Variants in RNLS observed in about 807,000 individuals in gnomAD.
RNLS encodes the protein renalase, FAD dependent amine oxidase.
Under a neutral mutation model 39.8 loss-of-function variants are expected in RNLS, and 39 were observed. The observed-to-expected ratio is 0.98, with a 90% CI of 0.76 to 1.28. The LOEUF is 1.28. RNLS is among the 50% of genes most tolerant of loss of function. The probability of loss-of-function intolerance (pLI) is 0.00; values close to 1 mark genes in which losing one functional copy is unlikely to be tolerated. For missense variants in RNLS, 410 were observed against 413.3 expected, an observed-to-expected ratio of 0.99 and a Z score of 0.07; for synonymous variants, 147 against 150.7, an observed-to-expected ratio of 0.98 and a Z score of 0.18.
At chr10:88,399,534 C>T (rs1852785782) in intron 4 of RNLS, among the ~76,000 whole-genome samples, 1 of 151,900 alleles carries the variant, frequency 6.6e-6, no homozygotes, top group African/African-American at 2.4e-5. Context: ...AAAGCAGACA[C>T]ACAAGTCCAC....
intron 4 of RNLS, among the ~76,000 whole-genome samples, chr10:88,397,277 G>A (rs1750594371): frequency 1.3e-5 from 2 of 151,856 alleles, no homozygotes; most frequent in African/African-American, 2.4e-5. Context: ...ATGTTCCCTG[G>A]TAGCAATGAA....
At chr10:88,345,929 A>ATATT (rs1848270965) in intron 5 of RNLS, among the ~76,000 whole-genome samples, 1 of 152,176 alleles carries the variant, frequency 6.6e-6, no homozygotes, top group Non-Finnish European at 1.5e-5. Context: ...CCATTGCAGT[A>ATATT]TATTAGATAA....
chr10:88,489,203 T>C (rs1844748059), intron 4 of RNLS, among the ~76,000 whole-genome samples: 1 of 152,234 alleles, frequency 6.6e-6, no homozygotes, highest in African/African-American at 2.4e-5. Context: ...TTTTGGTCCC[T>C]GGAGATAGTC....
At chr10:88,391,647 A>G (rs118127635) in intron 4 of RNLS, among the ~76,000 whole-genome samples, 2,907 of 152,340 alleles carry the variant, frequency 0.019, 42 homozygotes, top group Non-Finnish European at 0.033. Context: ...TGTTATTAAA[A>G]GAGGACATGG....
chr10:88,280,520 T>TG (rs1842973159), downstream of RNLS, among the ~76,000 whole-genome samples: 3 of 152,136 alleles, frequency 2.0e-5, no homozygotes, highest in East Asian at 3.9e-4. Context: ...GACAGATGTG[T>TG]GGGGGGAGGG....
intron 4 of RNLS, among the ~76,000 whole-genome samples, chr10:88,521,968 T>C (rs1216789275): frequency 3.9e-5 from 6 of 152,088 alleles, no homozygotes; most frequent in South Asian, 4.1e-4. Flanking sequence ...TAACTCTTGC[T>C]TAACCTTTAC....
At chr10:88,484,653 C>G (rs958059237) in intron 4 of RNLS, among the ~76,000 whole-genome samples, 3 of 151,830 alleles carry the variant, frequency 2.0e-5, no homozygotes, top group African/African-American at 7.2e-5. Context: ...AACAAAGTGC[C>G]TGGATAATAT....
In RNLS at chr10:88,436,539, T is replaced by C. The variant is rs143661689; in HGVS notation, c.527-73814A>G. 4.8e-3 allele frequency among the ~76,000 whole-genome samples: 731 copies of C among 152,302 alleles called. 4 individuals carry two copies. The highest frequency in any genetic ancestry group is 6.9e-3 in the Non-Finnish European group (469 of 68,022). On this transcript the variant is annotated intron_variant, in intron 4 of 6. Coordinates refer to ENST00000331772, the MANE Select transcript of RNLS (RefSeq NM_001031709.3). ...CTTAATCAATCCAAGCTTTTACCAT[T>C]TAATATGTATATTGGGAGCAATGAA... is the stretch of plus-strand genomic sequence containing the variant.
intron 4 of RNLS, among the ~76,000 whole-genome samples, chr10:88,410,320 G>T (rs1232410744): frequency 6.6e-6 from 1 of 151,920 alleles, no homozygotes; most frequent in Non-Finnish European, 1.5e-5. Context: ...CCATATAATT[G>T]TTTTCCTTAT....
the RNLS span, among the ~76,000 whole-genome samples, chr10:88,258,392 C>T: frequency 1.7e-4 from 26 of 152,174 alleles, no homozygotes; most frequent in African/African-American, 2.7e-4. Context: ...CTTTGGAGTC[C>T]GTTTTGAACC....
intron 4 of RNLS, among the ~76,000 whole-genome samples, chr10:88,510,089 G>T (rs1304414752): frequency 1.3e-5 from 2 of 152,104 alleles, no homozygotes; most frequent in Non-Finnish European, 2.9e-5. Context: ...AATAATTTAG[G>T]ATTAGAAGTC....
chr10:88,204,481 C>G, the RNLS span, among the ~76,000 whole-genome samples: 2 of 152,084 alleles, frequency 1.3e-5, no homozygotes, highest in African/African-American at 4.8e-5. Flanking sequence ...CCAGTAAGTA[C>G]CAAAGCAATG....
the RNLS span, among the ~76,000 whole-genome samples, chr10:88,245,954 G>A: frequency 1.3e-5 from 2 of 152,096 alleles, no homozygotes; most frequent in African/African-American, 4.8e-5. Flanking sequence ...TGATTTCACT[G>A]AGCCTGTAGC....
chr10:88,340,202 T>G (rs1847832728), intron 5 of RNLS, among the ~76,000 whole-genome samples: 1 of 152,210 alleles, frequency 6.6e-6, no homozygotes, highest in Non-Finnish European at 1.5e-5. Context: ...TAAAAATCCT[T>G]GTAGCTCTAC....
chr10:88,174,311 C>T, the RNLS span, among the ~76,000 whole-genome samples: 2 of 151,668 alleles, frequency 1.3e-5, no homozygotes, highest in African/African-American at 4.8e-5. Context: ...AGTGAAAGTT[C>T]TTGTTCCAGA....
At chr10:88,499,589 C>T (rs979599505) in intron 4 of RNLS, among the ~76,000 whole-genome samples, 10 of 152,090 alleles carry the variant, frequency 6.6e-5, no homozygotes, top group Non-Finnish European at 1.2e-4. Flanking sequence ...CTCCCCCTCT[C>T]ACCTCCCCTG....
the RNLS span, among the ~76,000 whole-genome samples, chr10:88,199,889 G>C: frequency 6.6e-6 from 1 of 152,154 alleles, no homozygotes; most frequent in South Asian, 2.1e-4. Context: ...AGCATTTTGG[G>C]AAACTAAGGC....
chr10:88,377,718 T>C (rs1851128989), intron 4 of RNLS, among the ~76,000 whole-genome samples: 1 of 152,212 alleles, frequency 6.6e-6, no homozygotes, highest in Non-Finnish European at 1.5e-5. Flanking sequence ...GAGTCAATGG[T>C]GAATGAATGT....
chr10:88,424,700 G>A (rs1854619458), intron 4 of RNLS, among the ~76,000 whole-genome samples: 1 of 152,092 alleles, frequency 6.6e-6, no homozygotes, highest in African/African-American at 2.4e-5. Context: ...TCCATATAAT[G>A]CTGACACATT....
Sources: gnomAD v4.1 joint callset for allele counts (sites outside exome capture counted in the v4.1 genomes callset) on GRCh38, gnomAD v4.1.1 for gene constraint, MANE v1.5 for transcripts, NCBI Gene and HGNC (gene_info 2026-07-23, HGNC 2026-07-21) for gene names.